The following EDN2 variants were observed in gnomAD, a reference collection of about 807,000 sequenced individuals.
EDN2 encodes the protein endothelin-2.
A neutral mutation model predicts 19.9 loss-of-function variants in EDN2; 10 were observed. The ratio of observed to expected loss-of-function variants is 0.50; its 90% CI spans 0.31 to 0.85. EDN2 has a LOEUF of 0.85. EDN2 is among the 40% of genes least tolerant of loss of function. The probability of loss-of-function intolerance (pLI) is 0.05; values close to 1 mark genes in which losing one functional copy is unlikely to be tolerated. For synonymous variants in EDN2, 84 were observed against 94.9 expected, an observed-to-expected ratio of 0.89 and a Z score of 0.67; for missense variants, 222 against 239.3, an observed-to-expected ratio of 0.93 and a Z score of 0.48.
At chr1:41,479,729 G>T (rs1644231550) in intron 4 of EDN2, among the ~76,000 whole-genome samples, 1 of 152,170 alleles carries the variant, frequency 6.6e-6, no homozygotes, top group Non-Finnish European at 1.5e-5. Flanking sequence ...CAGAGCTAAG[G>T]TTCAACATCA....
chr1:41,480,216 GTA>G (rs1296811159), intron 4 of EDN2, among the ~76,000 whole-genome samples: 1 of 152,178 alleles, frequency 6.6e-6, no homozygotes, highest in East Asian at 1.9e-4. Flanking sequence ...AAGTTCCTAA[GTA>G]TATGTTGGGT....
chr1:41,482,755 G>A (rs1191285206), intron 2 of EDN2, among the ~76,000 whole-genome samples, 167 bp from the exon 3 acceptor site: 2 of 152,178 alleles, frequency 1.3e-5, no homozygotes, highest in Admixed American at 1.3e-4. Flanking sequence ...CCAATGAAAG[G>A]TGACCAGCCC....
intron 4 of EDN2, 164 bp downstream of exon 4, chr1:41,480,931 T>A: frequency 1.5e-6 from 1 of 653,984 alleles, no homozygotes; most frequent in South Asian, 1.8e-5. Context: ...GTCAGCCAGA[T>A]GCCGCTGACT....
At chr1:41,483,124 G>GGTGTGTGTGTGTGT (rs3835690) in intron 2 of EDN2, 2 of 151,074 alleles carry the variant, frequency 1.3e-5, no homozygotes, top group South Asian at 4.2e-4. Flanking sequence ...TTGAAAGTGG[G>GGTGTGTGTGTGTGT]GTGTGTGTGT....
At chr1:41,482,665 G>A (rs1644258697) in intron 2 of EDN2, 77 bp from the exon 3 acceptor site, 1 of 1,465,664 alleles carries the variant, frequency 6.8e-7, no homozygotes, top group African/African-American at 1.5e-5. Context: ...AAGAGAGAGA[G>A]GATTAAATAA....
intron 2 of EDN2, among the ~76,000 whole-genome samples, chr1:41,483,446 A>T (rs11572346): frequency 6.6e-6 from 1 of 152,242 alleles, no homozygotes; most frequent in African/African-American, 2.4e-5. Flanking sequence ...GAAGGTATGC[A>T]GTGGCCTGGA....
intron 4 of EDN2, among the ~76,000 whole-genome samples, chr1:41,479,813 C>G (rs2149036801): frequency 6.6e-6 from 1 of 150,604 alleles, no homozygotes; most frequent in East Asian, 1.9e-4. Context: ...CACTTCTTTC[C>G]ACAGCTTTCC....
Position 41,479,198 on chromosome 1 carries a change from C to G in EDN2, c.*211G>C, listed in dbSNP as rs377307106. ...GGAGGCTGCTCCGCAGTCTGGAGGCCGAGGGCTTCCCTGGGCAGTGCGAGG... is the reference window on the plus strand; with the variant it reads ...GGAGGCTGCTCCGCAGTCTGGAGGCGGAGGGCTTCCCTGGGCAGTGCGAGG... On this transcript the variant is annotated 3_prime_UTR_variant, in exon 5 of 5. Coordinates refer to ENST00000372587, the MANE Select transcript of EDN2 (RefSeq NM_001956.5). The G allele has an allele frequency of 1.5e-6, 1 of 665,296 alleles. No homozygotes were observed. The highest frequency in any genetic ancestry group is 2.8e-6 in the Non-Finnish European group (1 of 360,256). The allele number at this position is 665,296 out of a possible 1,614,324, so 41.2% of individuals were successfully genotyped here.
Position 41,482,530 on chromosome 1 carries a change from T to G in EDN2, c.280A>C (p.Arg94=), listed in dbSNP as rs1644256705. 1 of 1,592,484 alleles carries G rather than the reference T, an allele frequency of 6.3e-7. No individual in the cohort carries two copies. Among genetic ancestry groups the G allele is most frequent in the South Asian group, 1.1e-5 (1 of 89,420 alleles). The change falls in exon 3 of 5, where the codon AGG becomes CGG. Residue 94 remains arginine, a synonymous_variant. Transcript: ENST00000372587. ...PPRRRRRSLP[R]RCQCSSARDP... ...CTGGCACTGGAGCACTGACAGCGCC[T>G]TGGCAGGGAGCGGCGCCGGCGTCTT...
intron 4 of EDN2, 22 bp from the exon 5 acceptor site, chr1:41,479,524 C>A: frequency 6.2e-7 from 1 of 1,601,332 alleles, no homozygotes; most frequent in Non-Finnish European, 8.6e-7. Flanking sequence ...GAAGGGTCAA[C>A]TTAGCATCTC....
chr1:41,480,222 G>A (rs1644235821), intron 4 of EDN2, among the ~76,000 whole-genome samples: 1 of 152,190 alleles, frequency 6.6e-6, no homozygotes, highest in South Asian at 2.1e-4. Flanking sequence ...CTAAGTATAT[G>A]TTGGGTCCCG....
chr1:41,482,622 G>T, intron 2 of EDN2, 34 bp from the exon 3 acceptor site: 1 of 1,532,634 alleles, frequency 6.5e-7, no homozygotes, highest in Non-Finnish European at 8.7e-7. Context: ...TAGTGGTGTG[G>T]GGTGGAGAGA....
At chr1:41,483,339 G>A (rs1644264542) in intron 2 of EDN2, among the ~76,000 whole-genome samples, 1 of 152,258 alleles carries the variant, frequency 6.6e-6, no homozygotes, top group African/African-American at 2.4e-5. Flanking sequence ...GTGTTTGGAT[G>A]CGGATTAGCT....
chr1:41,484,585 G>A lies in EDN2; in HGVS notation c.17C>T (p.Thr6Ile). The change falls in exon 1 of 5, where the codon ACC (threonine) becomes ATC (isoleucine). Residue 6 changes from threonine (T) to isoleucine (I), a missense_variant. Physicochemically the swap from Thr to Ile is moderately conservative, Grantham distance 89. Coordinates refer to ENST00000372587, the MANE Select transcript of EDN2 (RefSeq NM_001956.5). MVSVP[T>I]TWCSVALALL... ...GGCTAGCGCAACGGAGCACCAGGTG[G>A]TAGGCACGGAGACCATAGCGGCGGT... is the stretch of plus-strand genomic sequence containing the variant. The A allele has an allele frequency of 1.9e-6, 3 of 1,560,256 alleles. No individual in the cohort carries two copies. The highest frequency in any genetic ancestry group is 2.6e-6 in the Non-Finnish European group (3 of 1,152,204).
intron 1 of EDN2, 43 bp from the exon 2 acceptor site, chr1:41,484,246 G>A: frequency 1.3e-6 from 2 of 1,597,982 alleles, no homozygotes; most frequent in African/African-American, 1.3e-5. Context: ...GGTGGGTTGG[G>A]GTGCCTGGCA....
intron 3 of EDN2, among the ~76,000 whole-genome samples, chr1:41,482,118 C>T (rs1487983446): frequency 6.6e-6 from 1 of 152,236 alleles, no homozygotes; most frequent in African/African-American, 2.4e-5. Flanking sequence ...CAGACTCAGG[C>T]CCAAGGCCTG....
At chr1:41,482,182 C>T (rs1018914152) in intron 3 of EDN2, among the ~76,000 whole-genome samples, 2 of 152,274 alleles carry the variant, frequency 1.3e-5, no homozygotes, top group African/African-American at 2.4e-5. Context: ...CTCTCTGGGC[C>T]TGAGCTGCCT....
intron 1 of EDN2, 81 bp downstream of exon 1, chr1:41,484,457 G>A: frequency 6.6e-7 from 1 of 1,514,220 alleles, no homozygotes; most frequent in East Asian, 2.5e-5. Context: ...AGCTGGCTTG[G>A]GAGGCACTGC....
chr1:41,480,900 G>A (rs892284378), intron 4 of EDN2, 195 bp downstream of exon 4: 13 of 660,902 alleles, frequency 2.0e-5, no homozygotes, highest in South Asian at 5.0e-5. Context: ...GAGCACAGTG[G>A]GTAAGAGCAC....
Sources: allele counts gnomAD v4.1 joint callset (sites outside exome capture counted in the v4.1 genomes callset), GRCh38; gene constraint gnomAD v4.1.1; transcripts MANE v1.5; gene names NCBI Gene and HGNC (gene_info 2026-07-23, HGNC 2026-07-21).